CEP192: variants seen among roughly 807,000 people sequenced by gnomAD.
CEP192 encodes the protein centrosomal protein 192.
CEP192 carries 151 observed loss-of-function variants against 271.8 expected under a neutral mutation model. That is an observed-to-expected ratio of 0.56 (90% CI 0.49 to 0.64). The LOEUF (loss-of-function observed/expected upper bound fraction) is 0.64, where lower values mean the gene tolerates loss of function less well. Among genes scored for constraint, CEP192 ranks in the 30% least tolerant of loss-of-function variants. The pLI is 0.00. For missense variants in CEP192, 2,910 were observed against 3,020.5 expected (o/e 0.96, Z 0.86); for synonymous variants, 995 against 1,076.5 (o/e 0.92, Z 1.48).
At chr18:12,996,329 G>A (rs1448452873) in intron 1 of CEP192, among the ~76,000 whole-genome samples, 1 of 152,110 alleles carries the variant, frequency 6.6e-6, no homozygotes, top group East Asian at 1.9e-4. Context: ...AGATGACTAC[G>A]GTTTTTGGCC....
chr18:13,028,989 C>T (rs1028655000), intron 9 of CEP192, among the ~76,000 whole-genome samples: 1 of 152,172 alleles, frequency 6.6e-6, no homozygotes, highest in Admixed American at 6.5e-5. Context: ...GTTCTTATTG[C>T]TTGTCTTACT....
intron 30 of CEP192, among the ~76,000 whole-genome samples, chr18:13,076,726 C>T (rs2038305244): frequency 6.6e-6 from 1 of 152,138 alleles, no homozygotes; most frequent in South Asian, 2.1e-4. Flanking sequence ...CCAGAGGTCA[C>T]TTTGAGTGAG....
At chr18:13,107,883 C>CA (rs58195253) in intron 40 of CEP192, among the ~76,000 whole-genome samples, 3,537 of 130,880 alleles carry the variant, frequency 0.027, 88 homozygotes, top group African/African-American at 0.072. Context: ...ATAGTATCTC[C>CA]AAAAAAAAAA....
rs138235483 is a variant in CEP192 at position 13,042,248 on chromosome 18, A to G, written c.1981A>G (p.Ile661Val). 771 of 1,612,590 alleles carry G rather than the reference A, an allele frequency of 4.8e-4. 8 individuals are homozygous for G. In the East Asian group the frequency reaches 0.013, roughly 26 times the overall value. Residue 661 changes from isoleucine (I) to valine (V), a missense_variant, in exon 15 of 45, where the codon ATT (isoleucine) becomes GTT (valine). Coordinates refer to ENST00000506447, the MANE Select transcript of CEP192 (RefSeq NM_032142.4). ...CCAGGCACAGCTAAGTGAAGGATCA[A>G]TTACACTTCAGGTTGAAGCAGTAGA... Reference protein sequence around the residue: ...QSQAQLSEGSITLQVEAVEST... With the variant: ...QSQAQLSEGSVTLQVEAVEST...
Position 13,072,636 on chromosome 18 carries a change from A to G in CEP192, c.5349-119A>G, listed in dbSNP as rs540366794. On this transcript the variant is annotated intron_variant, in intron 28 of 44. Transcript: ENST00000506447. ...GGGGAGACAATTCCAGGCTACTGAA[A>G]TGGCTTGTATAGTTAGTCCATCTCT... 4 of 693,606 alleles carry G rather than the reference A, an allele frequency of 5.8e-6. No homozygotes were observed. In the South Asian group the frequency reaches 7.0e-5, roughly 12 times the overall value. The allele number at this position is 693,606 out of a possible 1,614,324, so 43.0% of individuals were successfully genotyped here. A position where few individuals can be genotyped will look rare whatever the true frequency, so the allele number is the denominator to read the frequency against.
chr18:13,104,458 A>G (rs989764399), intron 39 of CEP192, among the ~76,000 whole-genome samples: 4 of 152,138 alleles, frequency 2.6e-5, no homozygotes, highest in African/African-American at 9.7e-5. Context: ...CAAAATGTGT[A>G]CAAAAAAGAG....
chr18:13,095,747 C>A, intron 35 of CEP192, 66 bp downstream of exon 35: 1 of 1,389,598 alleles, frequency 7.2e-7, no homozygotes, highest in Non-Finnish European at 1.0e-6. Flanking sequence ...TCCCATTGTG[C>A]CCATGGCCTA....
At chr18:13,038,637 T>C (rs1429395688) in intron 13 of CEP192, 58 bp downstream of exon 13, 2 of 1,276,948 alleles carry the variant, frequency 1.6e-6, no homozygotes, top group African/African-American at 3.0e-5. Context: ...TTTTGAGTAT[T>C]ATGATGGCAC....
chr18:13,003,264 C>T (rs2033761436), intron 3 of CEP192, among the ~76,000 whole-genome samples: 1 of 151,862 alleles, frequency 6.6e-6, no homozygotes, highest in Non-Finnish European at 1.5e-5. Flanking sequence ...GCCTGGCCAA[C>T]ATGGTGAAAT....
intron 30 of CEP192, among the ~76,000 whole-genome samples, chr18:13,086,572 T>A: frequency 6.6e-6 from 1 of 152,154 alleles, no homozygotes; most frequent in East Asian, 1.9e-4. Flanking sequence ...AATGCAGAAA[T>A]CACCCGCCTT....
chr18:13,097,577 C>T (rs147242019), intron 36 of CEP192, among the ~76,000 whole-genome samples: 16 of 149,960 alleles, frequency 1.1e-4, no homozygotes, highest in East Asian at 5.8e-4. Context: ...AAGTTTTTAC[C>T]GTGAGTTGCT....
At chr18:13,022,682 G>A (rs1452315887) in intron 9 of CEP192, among the ~76,000 whole-genome samples, 1 of 152,152 alleles carries the variant, frequency 6.6e-6, no homozygotes, top group Non-Finnish European at 1.5e-5. Context: ...TGCCCAGCCT[G>A]TGTAATCTTT....
intron 17 of CEP192, among the ~76,000 whole-genome samples, chr18:13,052,052 T>C (rs373944239): frequency 2.0e-5 from 3 of 152,232 alleles, no homozygotes; most frequent in East Asian, 3.8e-4. Context: ...CTGTGCTCTT[T>C]TGCACTGTGA....
At chr18:12,998,918 T>C (rs1225378150) in intron 1 of CEP192, among the ~76,000 whole-genome samples, 1 of 152,218 alleles carries the variant, frequency 6.6e-6, no homozygotes, top group Non-Finnish European at 1.5e-5. Context: ...AACTATACTT[T>C]AACTGAAAAT....
chr18:13,041,928 T>C (rs1330617649), intron 14 of CEP192, among the ~76,000 whole-genome samples: 3 of 152,188 alleles, frequency 2.0e-5, no homozygotes, highest in Non-Finnish European at 4.4e-5. Flanking sequence ...AGCTGAAAAA[T>C]ATTGAATGAG....
chr18:13,071,473 T>C (rs1439577828), intron 28 of CEP192, among the ~76,000 whole-genome samples: 2 of 152,218 alleles, frequency 1.3e-5, no homozygotes, highest in Non-Finnish European at 2.9e-5. Flanking sequence ...ACTGCCACTC[T>C]GTATTTTTCA....
chr18:13,071,203 G>A lies in CEP192; in HGVS notation c.5339G>A (p.Gly1780Asp). Residue 1780 changes from glycine (G) to aspartate (D), a missense_variant, in exon 28 of 45, where the codon GGT (glycine) becomes GAT (aspartate). Transcript: ENST00000506447. Reference sequence around the variant, plus strand: ...CTGGCTTGGGGAGGAGTCCCTCTAGGTAGAACACAGTAAGTGTCAAAGACT... The same window carrying A: ...CTGGCTTGGGGAGGAGTCCCTCTAGATAGAACACAGTAAGTGTCAAAGACT... ...QFLAWGGVPL[G>D]RTQLQKLALR... 3.1e-6 allele frequency: 5 copies of A among 1,613,178 alleles called. No individual in the cohort carries two copies. The highest frequency in any genetic ancestry group is 4.2e-6 in the Non-Finnish European group (5 of 1,179,326).
intron 30 of CEP192, among the ~76,000 whole-genome samples, chr18:13,085,299 C>T (rs1404489003): frequency 6.6e-6 from 1 of 152,084 alleles, no homozygotes; most frequent in Non-Finnish European, 1.5e-5. Context: ...CAGCCCTCAG[C>T]CCTCTGTCAG....
At chr18:13,064,858 T>C (rs1682466333) in intron 21 of CEP192, among the ~76,000 whole-genome samples, 1 of 152,166 alleles carries the variant, frequency 6.6e-6, no homozygotes, top group African/African-American at 2.4e-5. Context: ...TGTTTTTCTA[T>C]TTCTGTGAGG....
Sources: allele counts gnomAD v4.1 joint callset (sites outside exome capture counted in the v4.1 genomes callset), GRCh38; gene constraint gnomAD v4.1.1; transcripts MANE v1.5; gene names NCBI Gene and HGNC (gene_info 2026-07-23, HGNC 2026-07-21).